The following DPY19L3 variants were observed in gnomAD, a reference collection of about 807,000 sequenced individuals.
The protein encoded by DPY19L3 is protein C-mannosyl-transferase DPY19L3.
A neutral mutation model predicts 92.3 loss-of-function variants in DPY19L3; 51 were observed. The observed-to-expected ratio is 0.55, with a 90% CI of 0.44 to 0.70. DPY19L3 has a LOEUF of 0.70. DPY19L3 is among the 30% of genes least tolerant of loss of function. The probability of loss-of-function intolerance (pLI) is 0.00; values close to 1 mark genes in which losing one functional copy is unlikely to be tolerated. For missense variants in DPY19L3, 706 were observed against 855.9 expected (o/e 0.82, Z 2.18); for synonymous variants, 309 against 315.2 (o/e 0.98, Z 0.21).
Position 32,411,341 on chromosome 19 carries a change from A to G in DPY19L3, c.206A>G (p.His69Arg). Reference sequence around the variant, plus strand: ...ACATCTGTCTACCTTGCCACGTTACATGAAAATGATTTATGGTTTTCTAAT... The same window carrying G: ...ACATCTGTCTACCTTGCCACGTTACGTGAAAATGATTTATGGTTTTCTAAT... ...LLTSVYLATL[H>R]ENDLWFSNIK... Residue 69 changes from histidine to arginine, a missense_variant, in exon 3 of 19, where the codon CAT (histidine) becomes CGT (arginine). By Grantham distance (29) the His-to-Arg change is conservative. Coordinates refer to ENST00000392250, the MANE Select transcript of DPY19L3 (RefSeq NM_001172774.2). 1.2e-6 allele frequency: 2 copies of G among 1,614,138 alleles called. No individual in the cohort carries two copies. Among genetic ancestry groups the G allele is most frequent in the Non-Finnish European group, 1.7e-6 (2 of 1,180,004 alleles).
At chr19:32,450,052 T>G (rs1393231533) in intron 8 of DPY19L3, among the ~76,000 whole-genome samples, 1 of 152,166 alleles carries the variant, frequency 6.6e-6, no homozygotes, top group Non-Finnish European at 1.5e-5. Context: ...CTCTTATAAC[T>G]CTTTCAATGA....
At chr19:32,476,765 A>G (rs1454057507) in intron 16 of DPY19L3, among the ~76,000 whole-genome samples, 3 of 152,154 alleles carry the variant, frequency 2.0e-5, no homozygotes, top group Non-Finnish European at 2.9e-5. Flanking sequence ...ATAGTTTCTC[A>G]TAATCAGGAC....
chr19:32,410,487 T>A (rs1968140958), intron 2 of DPY19L3, among the ~76,000 whole-genome samples: 1 of 152,166 alleles, frequency 6.6e-6, no homozygotes, highest in Non-Finnish European at 1.5e-5. Context: ...AAAAAAAGTT[T>A]TAGGTAATCG....
At chr19:32,432,865 A>C in intron 4 of DPY19L3, 59 bp downstream of exon 4, 1 of 1,474,822 alleles carries the variant, frequency 6.8e-7, no homozygotes, top group Non-Finnish European at 9.5e-7. Flanking sequence ...TATTTTAGTG[A>C]GAAGTACTGT....
At chr19:32,460,913 T>A (rs1970020974) in intron 12 of DPY19L3, among the ~76,000 whole-genome samples, 1 of 150,700 alleles carries the variant, frequency 6.6e-6, no homozygotes, top group Non-Finnish European at 1.5e-5. Context: ...TTGCCTGGGC[T>A]GGAGTGCAGT....
chr19:32,435,750 T>C (rs180687933), intron 4 of DPY19L3, among the ~76,000 whole-genome samples: 80 of 152,334 alleles, frequency 5.3e-4, no homozygotes, highest in Non-Finnish European at 9.8e-4. Flanking sequence ...TGTGCATGTT[T>C]TCTTCTGTGA....
intron 12 of DPY19L3, 145 bp from the exon 13 acceptor site, chr19:32,463,221 G>T: frequency 1.1e-6 from 1 of 872,108 alleles, no homozygotes; most frequent in Non-Finnish European, 1.7e-6. Context: ...ATTCAAAATT[G>T]ATCAATGCGA....
chr19:32,408,084 G>A (rs934379261), intron 1 of DPY19L3, 133 bp from the exon 2 acceptor site: 2 of 596,052 alleles, frequency 3.4e-6, no homozygotes, highest in Middle Eastern at 4.5e-4. Flanking sequence ...CCCTGTCTTG[G>A]GGGGAAGAAA....
intron 3 of DPY19L3, among the ~76,000 whole-genome samples, chr19:32,413,371 CT>C (rs1968260086): frequency 6.6e-6 from 1 of 152,034 alleles, no homozygotes; most frequent in Non-Finnish European, 1.5e-5. Flanking sequence ...ATTTTTAAAA[CT>C]TGCTGTGTTA....
chr19:32,471,498 A>C (rs903292746), intron 16 of DPY19L3, among the ~76,000 whole-genome samples: 3 of 152,194 alleles, frequency 2.0e-5, no homozygotes, highest in Non-Finnish European at 2.9e-5. Flanking sequence ...GGGACACCTC[A>C]AGTGACCCTC....
At chr19:32,468,890 G>GT (rs1471022004) in intron 16 of DPY19L3, 77 bp downstream of exon 16, 4 of 1,399,532 alleles carry the variant, frequency 2.9e-6, no homozygotes, top group African/African-American at 1.5e-5. Context: ...CGTTTTGGGG[G>GT]TTTTTTGTTT....
chr19:32,414,530 G>A (rs1159079462), intron 3 of DPY19L3, among the ~76,000 whole-genome samples: 2 of 151,128 alleles, frequency 1.3e-5, no homozygotes, highest in African/African-American at 4.9e-5. Flanking sequence ...GGAGGCAGAG[G>A]TTGCAGTGAG....
At chr19:32,422,214 C>T (rs968331851) in intron 3 of DPY19L3, among the ~76,000 whole-genome samples, 4 of 152,140 alleles carry the variant, frequency 2.6e-5, no homozygotes, top group African/African-American at 9.7e-5. Context: ...AATAATTTTA[C>T]AGTGGAGATG....
intron 18 of DPY19L3, 158 bp from the exon 19 acceptor site, chr19:32,481,921 A>G: frequency 1.3e-6 from 1 of 753,944 alleles, no homozygotes; most frequent in Middle Eastern, 3.9e-4. Context: ...GGGGAAAAGG[A>G]TGGCCCTGAT....
chr19:32,433,456 C>T (rs896728651), intron 4 of DPY19L3, among the ~76,000 whole-genome samples: 6 of 152,154 alleles, frequency 3.9e-5, no homozygotes, highest in South Asian at 4.1e-4. Context: ...CTCACTCTGT[C>T]GTCCAGGCTG....
rs1970701999 is a variant in DPY19L3, at chr19:32,482,424, T to C, written c.*184T>C. 1.6e-6 allele frequency: 1 copy of C among 643,442 alleles called. No individual in the cohort carries two copies. The highest frequency in any genetic ancestry group is 3.2e-5 in the Admixed American group (1 of 30,840). The allele number at this position is 643,442 out of a possible 1,614,324, so 39.9% of individuals were successfully genotyped here. A position where few individuals can be genotyped will look rare whatever the true frequency, so the allele number is the denominator to read the frequency against. On this transcript the variant is annotated 3_prime_UTR_variant, in exon 19 of 19. Transcript: ENST00000392250. ...GCATCTTCTACAAGCAGAAGTCTTT[T>C]TCGTTGTGTGTCTATCTTTCTCATT...
chr19:32,472,451 C>G (rs1158366773), intron 16 of DPY19L3, among the ~76,000 whole-genome samples: 4 of 151,932 alleles, frequency 2.6e-5, no homozygotes, highest in African/African-American at 7.3e-5. Context: ...GCCTTGTTTT[C>G]AAGCAGAATT....
chr19:32,415,455 G>A (rs752493790), intron 3 of DPY19L3, among the ~76,000 whole-genome samples: 8 of 152,188 alleles, frequency 5.3e-5, no homozygotes, highest in Non-Finnish European at 8.8e-5. Flanking sequence ...GAGAGTACAA[G>A]GGGAGAGGGG....
chr19:32,445,455 A>AAAAAAAAAAAAAAC (rs1050167060), intron 8 of DPY19L3, among the ~76,000 whole-genome samples: 1 of 149,372 alleles, frequency 6.7e-6, no homozygotes, highest in Non-Finnish European at 1.5e-5. Context: ...AAAAAAAAAA[A>AAAAAAAAAAAAAAC]AAAAAACCAT....
Sources: gnomAD v4.1 joint callset for allele counts (sites outside exome capture counted in the v4.1 genomes callset) on GRCh38, gnomAD v4.1.1 for gene constraint, MANE v1.5 for transcripts, NCBI Gene and HGNC (gene_info 2026-07-23, HGNC 2026-07-21) for gene names.